KSR2: variants seen among roughly 807,000 people sequenced by gnomAD.
KSR2 encodes the protein kinase suppressor of ras 2.
In KSR2, 25 loss-of-function variants were observed where a neutral mutation model predicts 107.8. That is an observed-to-expected ratio of 0.23 (90% CI 0.17 to 0.32). The LOEUF is 0.32. Ranked by LOEUF, KSR2 falls within the 10% of genes least tolerant of loss-of-function variation. KSR2 has a pLI of 1.00. For missense variants in KSR2, 887 were observed against 1,268.9 expected (o/e 0.70, Z 4.57); for synonymous variants, 480 against 507.0 (o/e 0.95, Z 0.71).
chr12:117,557,654 T>C (rs1344961512), intron 8 of KSR2, among the ~76,000 whole-genome samples: 2 of 152,202 alleles, frequency 1.3e-5, no homozygotes, highest in Admixed American at 6.5e-5. Flanking sequence ...CCTTGAAATG[T>C]GGCTGGTGGG....
intron 1 of KSR2, among the ~76,000 whole-genome samples, chr12:117,880,385 C>A (rs1427625978): frequency 6.6e-6 from 1 of 152,092 alleles, no homozygotes; most frequent in Admixed American, 6.6e-5. Flanking sequence ...CAGAATATAG[C>A]CATCGTCTCA....
At chr12:117,740,671 T>C (rs61937724) in intron 4 of KSR2, among the ~76,000 whole-genome samples, 28,195 of 141,460 alleles carry the variant, frequency 0.2, 3,511 homozygotes, top group South Asian at 0.29. Context: ...ATAATATATA[T>C]AATATATATA....
At chr12:117,837,979 C>A (rs998388427) in intron 3 of KSR2, among the ~76,000 whole-genome samples, 19 of 151,804 alleles carry the variant, frequency 1.3e-4, no homozygotes, top group African/African-American at 4.4e-4. Flanking sequence ...TGAATCCCAT[C>A]AGGATGGTGG....
chr12:117,734,297 A>G (rs963401305), intron 4 of KSR2, among the ~76,000 whole-genome samples: 4 of 151,578 alleles, frequency 2.6e-5, no homozygotes, highest in Admixed American at 2.0e-4. Context: ...AAAAAAAAAA[A>G]AAAGAGAGAA....
chr12:117,556,572 G>A (rs1030726355), intron 8 of KSR2, among the ~76,000 whole-genome samples: 6 of 152,140 alleles, frequency 3.9e-5, no homozygotes, highest in Non-Finnish European at 5.9e-5. Flanking sequence ...CCAACTGCCC[G>A]TTGGCTTTGG....
At chr12:117,482,329 G>T (rs572104788) in intron 16 of KSR2, among the ~76,000 whole-genome samples, 1 of 152,224 alleles carries the variant, frequency 6.6e-6, no homozygotes. Flanking sequence ...AGGACAAACC[G>T]AGCACAAGAG....
chr12:117,797,268 T>G (rs1187171188), intron 3 of KSR2, among the ~76,000 whole-genome samples: 2 of 152,198 alleles, frequency 1.3e-5, no homozygotes, highest in Non-Finnish European at 2.9e-5. Flanking sequence ...TAATAAAATG[T>G]GACCTATCCA....
At chr12:117,668,711 A>C (rs1350542218) in intron 4 of KSR2, among the ~76,000 whole-genome samples, 1 of 152,220 alleles carries the variant, frequency 6.6e-6, no homozygotes, top group Non-Finnish European at 1.5e-5. Context: ...TAAGTGAATT[A>C]ATACAAAGTA....
At chr12:117,535,049 T>C (rs1875940178) in intron 10 of KSR2, among the ~76,000 whole-genome samples, 1 of 152,206 alleles carries the variant, frequency 6.6e-6, no homozygotes, top group African/African-American at 2.4e-5. Flanking sequence ...TATGTGGTCA[T>C]TTGTTACAAT....
chr12:117,628,117 G>C (rs1882618210), intron 5 of KSR2, among the ~76,000 whole-genome samples: 1 of 152,046 alleles, frequency 6.6e-6, no homozygotes, highest in South Asian at 2.1e-4. Context: ...CTTTTTTCAA[G>C]GTTTTTAGCT....
Position 117,855,297 on chromosome 12 carries a change from C to A in KSR2, c.472+131G>T, listed in dbSNP as rs1265489412. On this transcript the variant is annotated intron_variant, in intron 3 of 19. Transcript: ENST00000339824. ...CCCAGGTCCACGCTGCCTCTTCCTG[C>A]GTTTCGGATTTGCCCCCCAGGGTTG... 2.8e-5 allele frequency: 33 copies of A among 1,161,210 alleles called. No individual in the cohort carries two copies. The South Asian group carries it at 3.9e-4, about 14-fold the overall frequency. The allele number at this position is 1,161,210 out of a possible 1,614,324, so 71.9% of individuals were successfully genotyped here.
Position 117,465,067 on chromosome 12 carries a change from TG to T in KSR2, c.*2131del, listed in dbSNP as rs1458034983. On this transcript the variant is annotated 3_prime_UTR_variant, in exon 20 of 20. Coordinates refer to ENST00000339824, the MANE Select transcript of KSR2 (RefSeq NM_173598.6). Reference sequence around the variant, plus strand: ...TCCTGTCTCTTGGCACAAGGGAACATGACAAGGACTGGAGCCTGTGGACCCA... The same window carrying T: ...TCCTGTCTCTTGGCACAAGGGAACATACAAGGACTGGAGCCTGTGGACCCA... The T allele has an allele frequency of 6.6e-6, 1 of 152,176 alleles. No individual in the cohort carries two copies. Among genetic ancestry groups the T allele is most frequent in the Non-Finnish European group, 1.5e-5 (1 of 68,054 alleles). 9.4% of individuals were successfully genotyped at this position (152,176 alleles called of 1,614,324 possible). A position where few individuals can be genotyped will look rare whatever the true frequency, so the allele number is the denominator to read the frequency against.
chr12:117,804,334 C>T (rs887942521), intron 3 of KSR2, among the ~76,000 whole-genome samples: 5 of 152,214 alleles, frequency 3.3e-5, no homozygotes, highest in Non-Finnish European at 5.9e-5. Flanking sequence ...TGAGCCACCG[C>T]ACCCGGCCAT....
intron 4 of KSR2, among the ~76,000 whole-genome samples, chr12:117,759,769 T>C (rs1247425980): frequency 2.6e-5 from 4 of 152,234 alleles, no homozygotes; most frequent in Non-Finnish European, 5.9e-5. Context: ...ATTTTACTCT[T>C]AGCATGCTGT....
At chr12:117,782,401 C>T (rs935012758) in intron 3 of KSR2, among the ~76,000 whole-genome samples, 3 of 152,150 alleles carry the variant, frequency 2.0e-5, no homozygotes. Context: ...GTAGCTAGGA[C>T]TATAGGCGTG....
intron 4 of KSR2, among the ~76,000 whole-genome samples, chr12:117,727,915 G>C (rs954968719): frequency 6.6e-6 from 1 of 152,150 alleles, no homozygotes; most frequent in Non-Finnish European, 1.5e-5. Flanking sequence ...TACAACACAC[G>C]GATGTATCTC....
intron 3 of KSR2, among the ~76,000 whole-genome samples, chr12:117,768,645 C>G (rs999674688): frequency 6.6e-6 from 1 of 152,194 alleles, no homozygotes; most frequent in South Asian, 2.1e-4. Context: ...CTGGAAGCAT[C>G]TGGATGGGAG....
intron 2 of KSR2, among the ~76,000 whole-genome samples, chr12:117,856,323 A>T (rs1241385905): frequency 6.6e-6 from 1 of 152,204 alleles, no homozygotes; most frequent in Admixed American, 6.5e-5. Flanking sequence ...TCCCTAGACC[A>T]TCATATGGAC....
chr12:117,472,205 G>T (rs946006459), intron 17 of KSR2, among the ~76,000 whole-genome samples: 1 of 152,138 alleles, frequency 6.6e-6, no homozygotes, highest in Non-Finnish European at 1.5e-5. Context: ...GACTCCGAAT[G>T]CCAAAACAAC....
Sources: allele counts gnomAD v4.1 joint callset (sites outside exome capture counted in the v4.1 genomes callset), GRCh38; gene constraint gnomAD v4.1.1; transcripts MANE v1.5; gene names NCBI Gene and HGNC (gene_info 2026-07-23, HGNC 2026-07-21).